PCBP3: variants seen among roughly 807,000 people sequenced by gnomAD.
The protein encoded by PCBP3 is poly(rC) binding protein 3, also known as poly(rC)-binding protein 3.
A neutral mutation model predicts 52.7 loss-of-function variants in PCBP3; 25 were observed. The observed-to-expected ratio is 0.47, with a 90% CI of 0.35 to 0.66. The LOEUF (loss-of-function observed/expected upper bound fraction) is 0.66, where lower values mean the gene tolerates loss of function less well. PCBP3 is among the 30% of genes least tolerant of loss of function. PCBP3 has a pLI of 0.01. For synonymous variants in PCBP3, 162 were observed against 183.0 expected, an observed-to-expected ratio of 0.89 and a Z score of 0.93; for missense variants, 391 against 490.3, an observed-to-expected ratio of 0.80 and a Z score of 1.91.
chr21:45,842,407 T>C (rs940665016), intron 4 of PCBP3, among the ~76,000 whole-genome samples: 1 of 152,094 alleles, frequency 6.6e-6, no homozygotes, highest in African/African-American at 2.4e-5. Flanking sequence ...TTTGTTTGTT[T>C]GTTCGTTCTC....
rs567780699 is a variant in PCBP3 at position 45,853,808 on chromosome 21, C to A, written c.10+3713C>A. On this transcript the variant is annotated intron_variant, in intron 5 of 17. Transcript: ENST00000681687. The surrounding 1 kb of genome is among the most constrained non-coding windows in gnomAD (Gnocchi z 4.6). Reference sequence around the variant, plus strand: ...TGCAAGAGCATATGTGAGTAAGAGTCAGGCACTCGGTGTTTTAGAATGGGC... The same window carrying A: ...TGCAAGAGCATATGTGAGTAAGAGTAAGGCACTCGGTGTTTTAGAATGGGC... Among the ~76,000 whole-genome samples, 1 of 152,278 alleles carries A rather than the reference C, an allele frequency of 6.6e-6. No individual in the cohort carries two copies. Among genetic ancestry groups the A allele is most frequent in the Admixed American group, 6.5e-5 (1 of 15,292 alleles).
intron 5 of PCBP3, among the ~76,000 whole-genome samples, chr21:45,851,864 A>G (rs769370157): frequency 6.6e-6 from 1 of 152,248 alleles, no homozygotes; most frequent in Non-Finnish European, 1.5e-5. Flanking sequence ...TCTCAGACAC[A>G]TTTTTATGGG....
At chr21:45,646,961 C>G (rs998954519) in intron 1 of PCBP3, among the ~76,000 whole-genome samples, 1 of 152,104 alleles carries the variant, frequency 6.6e-6, no homozygotes, top group Non-Finnish European at 1.5e-5. Flanking sequence ...TCTCTTTTCT[C>G]TAATATTGAG....
chr21:45,745,336 A>C (rs1273199127), intron 3 of PCBP3, among the ~76,000 whole-genome samples: 2 of 152,200 alleles, frequency 1.3e-5, no homozygotes, highest in African/African-American at 4.8e-5. Flanking sequence ...AGAGCTTCCC[A>C]GACCCACCAG....
At chr21:45,873,659 G>T (rs192807662) in intron 5 of PCBP3, among the ~76,000 whole-genome samples, 11 of 152,338 alleles carry the variant, frequency 7.2e-5, no homozygotes, top group African/African-American at 2.4e-4. Flanking sequence ...TCACCTGCCC[G>T]TGCAGGGGAC....
chr21:45,660,148 C>CAT (rs577973355), intron 1 of PCBP3, among the ~76,000 whole-genome samples: 51 of 151,566 alleles, frequency 3.4e-4, no homozygotes, highest in Non-Finnish European at 5.6e-4. Flanking sequence ...TACACACACA[C>CAT]ATATATATAT....
chr21:45,925,084 CG>C (rs1569503282), intron 13 of PCBP3, among the ~76,000 whole-genome samples: 2 of 76,128 alleles, frequency 2.6e-5, no homozygotes, highest in Non-Finnish European at 5.3e-5. Context: ...TGAGGAGATG[CG>C]AACACCGGGA....
At chr21:45,708,623 T>C (rs972817966) in intron 2 of PCBP3, among the ~76,000 whole-genome samples, 1 of 152,140 alleles carries the variant, frequency 6.6e-6, no homozygotes, top group African/African-American at 2.4e-5. Flanking sequence ...CTCATTTAAA[T>C]AGAAAAAGAA....
chr21:45,940,059 G>C lies in PCBP3; in HGVS notation c.939G>C (p.Gly313=). 6.2e-7 allele frequency: 1 copy of C among 1,614,134 alleles called. No homozygotes were observed. The highest frequency in any genetic ancestry group is 8.5e-7 in the Non-Finnish European group (1 of 1,179,986). Residue 313 remains glycine, a synonymous_variant, in exon 17 of 18, where the codon GGG becomes GGC. Transcript: ENST00000681687. ...TAGGCTGCATAATTGGACGCCAAGG[G>C]ACCAAAATCAATGAAATTCGACAGA... ...DLIGCIIGRQ[G]TKINEIRQMS... is the part of the protein sequence containing the mutation.
chr21:45,660,568 G>T (rs929693510), intron 1 of PCBP3, among the ~76,000 whole-genome samples: 57 of 152,208 alleles, frequency 3.7e-4, no homozygotes, highest in African/African-American at 1.2e-3. Flanking sequence ...GTGTTAAATA[G>T]ATATTTTCAT....
chr21:45,708,299 A>T (rs901580510), intron 2 of PCBP3, among the ~76,000 whole-genome samples: 1 of 152,060 alleles, frequency 6.6e-6, no homozygotes, highest in African/African-American at 2.4e-5. Context: ...GGGCCACTTT[A>T]TGGGAGGAGG....
At chr21:45,777,931 A>G (rs1370416226) in intron 4 of PCBP3, among the ~76,000 whole-genome samples, 21 of 143,664 alleles carry the variant, frequency 1.5e-4, no homozygotes, top group African/African-American at 4.1e-4. Flanking sequence ...ATTAAGATCT[A>G]TTATTGATGG....
intron 13 of PCBP3, among the ~76,000 whole-genome samples, chr21:45,921,198 A>G (rs766980849): frequency 6.6e-6 from 1 of 152,222 alleles, no homozygotes; most frequent in Non-Finnish European, 1.5e-5. Context: ...AAGCATCGGT[A>G]TTTAGTAGAA....
chr21:45,836,490 G>A (rs572896232), intron 4 of PCBP3: 2 of 151,542 alleles, frequency 1.3e-5, no homozygotes, highest in African/African-American at 4.8e-5. Flanking sequence ...TGTAAGTGCT[G>A]CCTGGTCTGG....
chr21:45,863,887 A>G (rs1037259505), intron 5 of PCBP3, among the ~76,000 whole-genome samples: 2 of 152,170 alleles, frequency 1.3e-5, no homozygotes, highest in South Asian at 2.1e-4. Flanking sequence ...GGAAATGCCT[A>G]GAGGAACCGC....
chr21:45,909,598 A>G (rs1032429247), intron 10 of PCBP3, 112 bp downstream of exon 10: 33 of 1,055,444 alleles, frequency 3.1e-5, no homozygotes, highest in African/African-American at 9.5e-5. Flanking sequence ...TGCAAGCCCA[A>G]TGCTGGCCAC....
chr21:45,936,563 G>T (rs4819171), intron 16 of PCBP3, among the ~76,000 whole-genome samples: 39,076 of 152,146 alleles, frequency 0.26, 5,341 homozygotes, highest in Middle Eastern at 0.39. Flanking sequence ...CATTCTTGGA[G>T]GGAGGGGATT....
At chr21:45,843,935 G>T (rs2075885) in intron 4 of PCBP3, among the ~76,000 whole-genome samples, 45,698 of 151,814 alleles carry the variant, frequency 0.3, 8,249 homozygotes, top group East Asian at 0.66. Flanking sequence ...ACTTTTGTGG[G>T]GTATACTTGT....
intron 9 of PCBP3, among the ~76,000 whole-genome samples, chr21:45,903,737 A>C (rs1287217844): frequency 6.6e-6 from 1 of 152,236 alleles, no homozygotes; most frequent in Non-Finnish European, 1.5e-5. Flanking sequence ...GAAACAAATC[A>C]GACAGAGGTC....
Sources: allele counts gnomAD v4.1 joint callset (sites outside exome capture counted in the v4.1 genomes callset), GRCh38; gene constraint gnomAD v4.1.1; non-coding constraint Gnocchi (gnomAD v3.1); transcripts MANE v1.5; gene names NCBI Gene and HGNC (gene_info 2026-07-23, HGNC 2026-07-21).